Variants in STK33 observed in about 807,000 individuals in gnomAD.
The protein encoded by STK33 is serine/threonine-protein kinase 33.
In STK33, 52 loss-of-function variants were observed where a neutral mutation model predicts 58.0. That is an observed-to-expected ratio of 0.90 (90% CI 0.72 to 1.13). The LOEUF is 1.13. Ranked by LOEUF, STK33 falls within the 50% of genes most tolerant of loss-of-function variation. The probability of loss-of-function intolerance (pLI) is 0.00; values close to 1 mark genes in which losing one functional copy is unlikely to be tolerated. For missense variants in STK33, 630 were observed against 604.2 expected (o/e 1.04, Z -0.45); for synonymous variants, 215 against 200.1 (o/e 1.07, Z -0.63).
chr11:8,507,674 A>G (rs535916200), intron 1 of STK33, among the ~76,000 whole-genome samples: 142 of 152,258 alleles, frequency 9.3e-4, no homozygotes, highest in African/African-American at 3.3e-3. Flanking sequence ...CTGTCTCCAC[A>G]TAAGTCCAAT....
At chr11:8,539,347 C>A (rs1565311640) in intron 1 of STK33, among the ~76,000 whole-genome samples, 1 of 152,184 alleles carries the variant, frequency 6.6e-6, no homozygotes, top group Non-Finnish European at 1.5e-5. Flanking sequence ...AATGTTCCCT[C>A]AGTGAGGTGA....
chr11:8,444,113 A>T (rs764801173), intron 11 of STK33, among the ~76,000 whole-genome samples: 1 of 152,314 alleles, frequency 6.6e-6, no homozygotes, highest in African/African-American at 2.4e-5. Context: ...TAACAATTAG[A>T]TATGAGCTGG....
the STK33 span, among the ~76,000 whole-genome samples, chr11:8,384,102 T>A: frequency 6.6e-6 from 1 of 152,292 alleles, no homozygotes; most frequent in African/African-American, 2.4e-5. Flanking sequence ...TGTTCCAATA[T>A]AATAAAGAAA....
At chr11:8,431,405 C>A (rs989125960) in intron 14 of STK33, among the ~76,000 whole-genome samples, 3 of 152,034 alleles carry the variant, frequency 2.0e-5, no homozygotes, top group Non-Finnish European at 2.9e-5. Flanking sequence ...ATGATCAAAA[C>A]CCGAATAACA....
rs77041086 is a variant in STK33 at position 8,562,960 on chromosome 11, G to A, written c.-466+31123C>T. ...TCAATAAGTAAGTAAAGGGGTAGCT[G>A]TTTAAGCAGAGATTAGAGTCCCCAA... On this transcript the variant is annotated intron_variant, in intron 1 of 15. Coordinates refer to ENST00000687296, the MANE Select transcript of STK33 (RefSeq NM_001352389.2). Among the ~76,000 whole-genome samples the A allele has an allele frequency of 9.9e-3, 1,502 of 152,216 alleles. 11 individuals carry two copies. The highest frequency in any genetic ancestry group is 0.017 in the Non-Finnish European group (1,176 of 68,012).
intron 1 of STK33, among the ~76,000 whole-genome samples, chr11:8,494,291 C>A (rs1158500499): frequency 6.6e-6 from 1 of 152,080 alleles, no homozygotes; most frequent in Non-Finnish European, 1.5e-5. Context: ...ACAAACATTC[C>A]TATACACCAA....
chr11:8,510,473 T>C (rs1952224854), intron 1 of STK33, among the ~76,000 whole-genome samples: 1 of 152,172 alleles, frequency 6.6e-6, no homozygotes, highest in African/African-American at 2.4e-5. Context: ...CTGTTGATTA[T>C]TTTTTTGGTA....
At chr11:8,549,893 G>C (rs1332524042) in intron 1 of STK33, among the ~76,000 whole-genome samples, 1 of 151,628 alleles carries the variant, frequency 6.6e-6, no homozygotes, top group African/African-American at 2.4e-5. Context: ...AAGGTTTGTT[G>C]ATTTTCATAT....
the STK33 span, among the ~76,000 whole-genome samples, chr11:8,361,500 T>C: frequency 6.6e-6 from 1 of 151,738 alleles, no homozygotes. The surrounding 1 kb of genome is among the most constrained non-coding windows in gnomAD (Gnocchi z 4.8). Context: ...CTCCAGCATT[T>C]GCCCTCTCCA....
At chr11:8,444,094 C>G (rs980057782) in intron 11 of STK33, among the ~76,000 whole-genome samples, 1 of 152,012 alleles carries the variant, frequency 6.6e-6, no homozygotes, top group African/African-American at 2.4e-5. Context: ...AATGAAAAAG[C>G]AAACCAAATA....
chr11:8,384,694 C>T, the STK33 span, among the ~76,000 whole-genome samples: 3 of 152,174 alleles, frequency 2.0e-5, no homozygotes, highest in Admixed American at 6.5e-5. Flanking sequence ...TCTGCTTCGG[C>T]GATCACAAAG....
the STK33 span, among the ~76,000 whole-genome samples, chr11:8,358,079 T>C: frequency 6.6e-6 from 1 of 152,194 alleles, no homozygotes; most frequent in Non-Finnish European, 1.5e-5. Flanking sequence ...AGCCCTCTCT[T>C]GGTTCTCCAG....
intron 6 of STK33, among the ~76,000 whole-genome samples, chr11:8,469,827 G>T (rs942207309): frequency 6.6e-6 from 1 of 152,214 alleles, no homozygotes; most frequent in Non-Finnish European, 1.5e-5. Context: ...GTGACCAGGC[G>T]CATTGTCAAT....
chr11:8,377,813 C>T, the STK33 span, among the ~76,000 whole-genome samples: 4 of 152,192 alleles, frequency 2.6e-5, no homozygotes, highest in African/African-American at 9.7e-5. Context: ...CTGCTTTATA[C>T]CACCAAGTTG....
At chr11:8,450,906 C>G (rs542127788) in intron 11 of STK33, among the ~76,000 whole-genome samples, 1 of 152,194 alleles carries the variant, frequency 6.6e-6, no homozygotes, top group East Asian at 1.9e-4. Context: ...AGACACTTCA[C>G]CAGAAACAAT....
At chr11:8,496,195 T>C (rs1419817688) in intron 1 of STK33, among the ~76,000 whole-genome samples, 1 of 151,778 alleles carries the variant, frequency 6.6e-6, no homozygotes, top group East Asian at 1.9e-4. Context: ...ATAAATCCCA[T>C]GTATATGATC....
In STK33 at chr11:8,570,903, C is replaced by A. The variant is rs138381580; in HGVS notation, c.-466+23180G>T. Among the ~76,000 whole-genome samples, 934 of 152,286 alleles carry A rather than the reference C, an allele frequency of 6.1e-3. 9 individuals are homozygous for A. Among genetic ancestry groups the A allele is most frequent in the African/African-American group, 0.02 (844 of 41,536 alleles). Reference sequence around the variant, plus strand: ...AAAAGCTGTTACACACACACACAGACACAGAGGACAGTTCTGCTTCTGATC... The same window carrying A: ...AAAAGCTGTTACACACACACACAGAAACAGAGGACAGTTCTGCTTCTGATC... On this transcript the variant is annotated intron_variant, in intron 1 of 15. Transcript: ENST00000687296.
intron 10 of STK33, among the ~76,000 whole-genome samples, chr11:8,454,216 C>T (rs1946595906): frequency 6.6e-6 from 1 of 152,180 alleles, no homozygotes; most frequent in Admixed American, 6.5e-5. Context: ...AAAGCAGCCA[C>T]TATAATGGTG....
rs537936728 is a variant in STK33 at position 8,457,371 on chromosome 11, C to A, written c.667G>T (p.Ala223Ser). 3.1e-6 allele frequency: 5 copies of A among 1,603,846 alleles called. No individual in the cohort carries two copies. The highest frequency in any genetic ancestry group is 3.4e-6 in the Non-Finnish European group (4 of 1,172,960). Residue 223 changes from alanine to serine, a missense_variant, in exon 9 of 16, where the codon GCA (alanine) becomes TCA (serine). Transcript: ENST00000687296. ...NETRWIIQSL[A>S]SAIAYLHNND... ...TTGTGAAGATATGCTATAGCTGATGCGAGACTTTGAATGATCCACCTTGTC... is the reference window on the plus strand; with the variant it reads ...TTGTGAAGATATGCTATAGCTGATGAGAGACTTTGAATGATCCACCTTGTC...
Sources: allele counts gnomAD v4.1 joint callset (sites outside exome capture counted in the v4.1 genomes callset), GRCh38; gene constraint gnomAD v4.1.1; non-coding constraint Gnocchi (gnomAD v3.1); transcripts MANE v1.5; gene names NCBI Gene and HGNC (gene_info 2026-07-23, HGNC 2026-07-21).